The following FRMPD4 variants were observed in gnomAD, a reference collection of about 807,000 sequenced individuals.
The protein encoded by FRMPD4 is FERM and PDZ domain containing 4.
A neutral mutation model predicts 94.1 loss-of-function variants in FRMPD4; 22 were observed. The ratio of observed to expected loss-of-function variants is 0.23; its 90% confidence interval spans 0.17 to 0.33. FRMPD4 has a LOEUF of 0.33. Ranked by LOEUF, FRMPD4 falls within the 10% of genes least tolerant of loss-of-function variation. FRMPD4 has a pLI of 1.00. For synonymous variants in FRMPD4, 631 were observed against 548.6 expected (o/e 1.15, Z -2.10); for missense variants, 1,111 against 1,339.9 (o/e 0.83, Z 2.67).
chrX:12,288,772 G>A lies in FRMPD4; in HGVS notation c.41+149760G>A, dbSNP rs140356472. Among the ~76,000 whole-genome samples, 171 of 112,041 alleles carry A rather than the reference G, an allele frequency of 1.5e-3. 1 individual carries two copies. Among genetic ancestry groups the A allele is most frequent in the African/African-American group, 5.3e-3 (163 of 30,858 alleles). On this transcript the variant is annotated intron_variant, in intron 1 of 16. Coordinates refer to ENST00000675598, the MANE Select transcript of FRMPD4 (RefSeq NM_001368397.1). ...ACTTTATCATTTGACTTGGAAAAGC[G>A]TTAGTTTCTAACAGGATTGAGTAAT...
chrX:12,391,513 C>T (rs2056474646), intron 1 of FRMPD4, among the ~76,000 whole-genome samples: 1 of 111,797 alleles, frequency 8.9e-6, no homozygotes, highest in Non-Finnish European at 1.9e-5. Context: ...TGTAGAATCA[C>T]AGCATTTGAG....
intron 1 of FRMPD4, among the ~76,000 whole-genome samples, chrX:12,346,768 T>C (rs2055718915): frequency 8.9e-6 from 1 of 111,939 alleles, no homozygotes; most frequent in South Asian, 3.7e-4. Flanking sequence ...AATGGATGCT[T>C]TCATTATTTC....
At chrX:11,858,089 C>T (rs975969524) in intron 1 of FRMPD4, among the ~76,000 whole-genome samples, 101 of 111,533 alleles carry the variant, frequency 9.1e-4, no homozygotes, top group Non-Finnish European at 1.8e-3. Context: ...AAAAGGAAGG[C>T]TTATGCACTG....
chrX:12,597,575 G>A (rs2059043670), intron 2 of FRMPD4, among the ~76,000 whole-genome samples: 1 of 112,268 alleles, frequency 8.9e-6, no homozygotes. Context: ...ATGGTCCTTT[G>A]AACTGTAACC....
chrX:12,110,669 C>A (rs1385390651), intron 3 of FRMPD4, among the ~76,000 whole-genome samples: 1 of 111,432 alleles, frequency 9.0e-6, no homozygotes, highest in African/African-American at 3.3e-5. Context: ...ATTTAGAAAA[C>A]CCCATTGTCT....
Position 12,435,570 on chromosome X carries a change from A to G in FRMPD4, c.42-63110A>G, listed in dbSNP as rs770892244. Among the ~76,000 whole-genome samples, 7 of 109,166 alleles carry G rather than the reference A, an allele frequency of 6.4e-5. No individual in the cohort carries two copies. In the South Asian group the frequency reaches 2.8e-3, roughly 43 times the overall value. The allele number at this position is 109,166 out of a possible 115,157, so 94.8% of individuals were successfully genotyped here. A position where few individuals can be genotyped will look rare whatever the true frequency, so the allele number is the denominator to read the frequency against. ...CTAGCTTACTATAACATTTTTTTTT[A>G]TCATGAATAGAGGTTTGATGGTAGT... On this transcript the variant is annotated intron_variant, in intron 1 of 16. Transcript: ENST00000675598.
chrX:12,116,561 C>G, intron 3 of FRMPD4, among the ~76,000 whole-genome samples: 1 of 111,818 alleles, frequency 8.9e-6, no homozygotes, highest in East Asian at 2.8e-4. Flanking sequence ...ATTTTTTCAA[C>G]TCTGCCTGAG....
intron 1 of FRMPD4, among the ~76,000 whole-genome samples, chrX:12,232,734 A>G (rs951346907): frequency 8.9e-6 from 1 of 111,775 alleles, no homozygotes; most frequent in Non-Finnish European, 1.9e-5. Context: ...TGGACACAAC[A>G]ATTTATTAAA....
At chrX:12,410,264 G>A (rs748381188) in intron 1 of FRMPD4, among the ~76,000 whole-genome samples, 6 of 111,601 alleles carry the variant, frequency 5.4e-5, no homozygotes, top group Non-Finnish European at 9.4e-5. Context: ...GAATATTTCT[G>A]TGTGCATTCG....
In FRMPD4 at chrX:12,716,063, C is replaced by G. The variant is rs369114108; in HGVS notation, c.1610-6C>G. ...AATGTGTCTTTGCGTGATTCTTTCTCTTTAGGACCTGAAAACAAGGGGAAG... is the reference window on the plus strand; with the variant it reads ...AATGTGTCTTTGCGTGATTCTTTCTGTTTAGGACCTGAAAACAAGGGGAAG... On this transcript the variant is annotated splice_polypyrimidine_tract_variant and splice_region_variant and intron_variant, in intron 14 of 16. Transcript: ENST00000675598. 1.1e-6 allele frequency: 1 copy of G among 907,720 alleles called. No homozygotes were observed. The highest frequency in any genetic ancestry group is 2.2e-5 in the African/African-American group (1 of 44,501). 74.8% of individuals were successfully genotyped at this position (907,720 alleles called of 1,213,427 possible).
At chrX:12,101,932 C>A (rs1193814485) in intron 3 of FRMPD4, among the ~76,000 whole-genome samples, 1 of 112,078 alleles carries the variant, frequency 8.9e-6, no homozygotes, top group East Asian at 2.8e-4. Flanking sequence ...GTGTAGAGAT[C>A]CAACTACATT....
intron 3 of FRMPD4, among the ~76,000 whole-genome samples, chrX:12,040,911 G>A (rs1449345904): frequency 9.1e-6 from 1 of 109,928 alleles, no homozygotes; most frequent in African/African-American, 3.3e-5. Context: ...GCTTTCTTTT[G>A]TATTAAATAT....
At chrX:12,490,497 G>C (rs959678089) in intron 1 of FRMPD4, among the ~76,000 whole-genome samples, 35 of 112,336 alleles carry the variant, frequency 3.1e-4, no homozygotes, top group African/African-American at 1.1e-3. Flanking sequence ...ACCTAGAACA[G>C]CGTGTGGTAC....
At chrX:12,211,289 T>C (rs2056753082) in intron 1 of FRMPD4, among the ~76,000 whole-genome samples, 1 of 112,304 alleles carries the variant, frequency 8.9e-6, no homozygotes. Flanking sequence ...TTGCATCTTC[T>C]TCAGACTTGG....
intron 3 of FRMPD4, among the ~76,000 whole-genome samples, chrX:11,906,426 C>T (rs1007200471): frequency 4.5e-5 from 5 of 111,181 alleles, no homozygotes; most frequent in African/African-American, 1.6e-4. Flanking sequence ...GGATTACAGG[C>T]GTGAGCCACC....
intron 1 of FRMPD4, among the ~76,000 whole-genome samples, chrX:12,280,112 C>T (rs866239232): frequency 2.7e-5 from 3 of 110,794 alleles, no homozygotes; most frequent in South Asian, 3.9e-4. Context: ...CACACACACA[C>T]ACCCCACACA....
intron 1 of FRMPD4, among the ~76,000 whole-genome samples, chrX:12,331,523 G>A (rs1177844946): frequency 1.0e-5 from 1 of 95,506 alleles, no homozygotes; most frequent in Non-Finnish European, 2.0e-5. Flanking sequence ...TAGAAGCCCC[G>A]TGAAGTGCAA....
chrX:12,611,703 A>T (rs1272942643), intron 3 of FRMPD4, among the ~76,000 whole-genome samples: 1 of 112,631 alleles, frequency 8.9e-6, no homozygotes, highest in Non-Finnish European at 1.9e-5. Flanking sequence ...TTGACATAAT[A>T]TGCCCCAGGG....
chrX:12,365,174 C>G (rs5979608), intron 1 of FRMPD4, among the ~76,000 whole-genome samples: 2,268 of 111,955 alleles, frequency 0.02, 61 homozygotes, highest in African/African-American at 0.069. Context: ...TATGAAGGAT[C>G]CTTTGCCTTT....
Sources: allele counts gnomAD v4.1 joint callset (sites outside exome capture counted in the v4.1 genomes callset), GRCh38; gene constraint gnomAD v4.1.1; transcripts MANE v1.5; gene names NCBI Gene and HGNC (gene_info 2026-07-23, HGNC 2026-07-21).